The following ZFPM2 variants were observed in gnomAD, a reference collection of about 807,000 sequenced individuals.
The protein encoded by ZFPM2 is zinc finger protein ZFPM2.
Under a neutral mutation model 98.6 loss-of-function variants are expected in ZFPM2, and 20 were observed. That is an observed-to-expected ratio of 0.20 (90% CI 0.14 to 0.29). ZFPM2 has a LOEUF of 0.29. Ranked by LOEUF, ZFPM2 falls within the 10% of genes least tolerant of loss-of-function variation. The pLI is 1.00. For synonymous variants in ZFPM2, 518 were observed against 502.7 expected, an observed-to-expected ratio of 1.03 and a Z score of -0.41; for missense variants, 1,310 against 1,388.6, an observed-to-expected ratio of 0.94 and a Z score of 0.90.
chr8:105,436,272 C>T (rs1586370351), intron 2 of ZFPM2, among the ~76,000 whole-genome samples: 1 of 152,096 alleles, frequency 6.6e-6, no homozygotes, highest in Non-Finnish European at 1.5e-5. Context: ...GTAATCCCAG[C>T]ACTTTGGGAG....
intron 5 of ZFPM2, among the ~76,000 whole-genome samples, chr8:105,665,790 A>G (rs1817477395): frequency 6.6e-6 from 1 of 152,220 alleles, no homozygotes; most frequent in Non-Finnish European, 1.5e-5. Flanking sequence ...TAAAACAGAG[A>G]AAACAAAAAT....
In ZFPM2 at chr8:105,421,256, A is replaced by AC. The variant is rs1811786884; in HGVS notation, c.199+1955dup. Among the ~76,000 whole-genome samples, 3 of 152,100 alleles carry AC rather than the reference A, an allele frequency of 2.0e-5. No homozygotes were observed. In the South Asian group the frequency reaches 6.2e-4, roughly 32 times the overall value. ...GATATTATTATTAATTTTTTTATAA[A>AC]CAGTTGGAAAAATGTTTAATGTCAG... On this transcript the variant is annotated intron_variant, in intron 2 of 7. Transcript: ENST00000407775.
At chr8:105,721,056 C>T (rs977676032) in intron 5 of ZFPM2, among the ~76,000 whole-genome samples, 1 of 151,908 alleles carries the variant, frequency 6.6e-6, no homozygotes, top group African/African-American at 2.4e-5. Flanking sequence ...AGGCAAAACC[C>T]TGAACGTCTT....
chr8:105,517,208 A>G (rs1400701403), intron 3 of ZFPM2, among the ~76,000 whole-genome samples: 1 of 152,200 alleles, frequency 6.6e-6, no homozygotes, highest in Non-Finnish European at 1.5e-5. Flanking sequence ...TGTCAAGGAT[A>G]ACAGTGGTCG....
chr8:105,803,520 A>G lies in ZFPM2; in HGVS notation c.3438A>G (p.Ala1146=), dbSNP rs369522665. 170 of 1,609,182 alleles carry G rather than the reference A, an allele frequency of 1.1e-4. No homozygotes were observed. The highest frequency in any genetic ancestry group is 1.4e-4 in the Non-Finnish European group (163 of 1,177,484). Residue 1146 remains alanine, a synonymous_variant, in exon 8 of 8, where the codon GCA becomes GCG. Coordinates refer to ENST00000407775, the MANE Select transcript of ZFPM2 (RefSeq NM_012082.4). ...THKKFYCSSH[A]AEHVK ...AGAAGTTTTATTGCTCATCACATGC[A>G]GCAGAACATGTCAAATGAACTAACT...
At position 105,682,219 on chromosome 8, in the gene ZFPM2, C is replaced by A. The variant is rs77362000; in HGVS notation, c.532+47862C>A. ...AGGAAACACAAAGCCAGGAAGGGAA[C>A]CAATTGGTGGAGGCACAAGTCACAA... On this transcript the variant is annotated intron_variant, in intron 5 of 7. Coordinates refer to ENST00000407775, the MANE Select transcript of ZFPM2 (RefSeq NM_012082.4). Among the ~76,000 whole-genome samples, 362 of 152,210 alleles carry A rather than the reference C, an allele frequency of 2.4e-3. 8 individuals are homozygous for A. In the East Asian group the frequency reaches 0.038, roughly 16 times the overall value.
chr8:105,562,752 C>G (rs1293082417), intron 4 of ZFPM2, among the ~76,000 whole-genome samples: 1 of 152,162 alleles, frequency 6.6e-6, no homozygotes, highest in African/African-American at 2.4e-5. Context: ...TACACTGTGT[C>G]TGCCTGGGTC....
chr8:105,438,188 T>A (rs930910363), intron 2 of ZFPM2, among the ~76,000 whole-genome samples: 3 of 152,234 alleles, frequency 2.0e-5, no homozygotes, highest in African/African-American at 7.2e-5. Context: ...TTCTGTGGCA[T>A]CAAGTCTGGG....
chr8:105,800,298 A>G (rs539067676), intron 7 of ZFPM2, among the ~76,000 whole-genome samples: 2 of 152,262 alleles, frequency 1.3e-5, no homozygotes, highest in African/African-American at 2.4e-5. Context: ...GCTAGAGTCA[A>G]TCTTAGTGAT....
intron 3 of ZFPM2, among the ~76,000 whole-genome samples, chr8:105,519,917 C>G (rs1436404028): frequency 6.6e-6 from 1 of 151,858 alleles, no homozygotes; most frequent in African/African-American, 2.4e-5. Flanking sequence ...TTTATTCCAC[C>G]TTCATTATGA....
intron 1 of ZFPM2, among the ~76,000 whole-genome samples, chr8:105,320,614 A>G (rs1223448532): frequency 6.6e-6 from 1 of 152,224 alleles, no homozygotes; most frequent in Non-Finnish European, 1.5e-5. Flanking sequence ...AATGCTTTTT[A>G]GTTCATGGCT....
chr8:105,416,821 G>A (rs1362265808), intron 1 of ZFPM2, among the ~76,000 whole-genome samples: 1 of 152,036 alleles, frequency 6.6e-6, no homozygotes, highest in Non-Finnish European at 1.5e-5. Flanking sequence ...AATTTGCGAA[G>A]AGCAGCAAGA....
intron 5 of ZFPM2, chr8:105,684,983 T>G (rs1030745730): frequency 6.6e-5 from 10 of 152,116 alleles, no homozygotes; most frequent in African/African-American, 2.4e-4. Flanking sequence ...ACACTGTTGA[T>G]TATAAAATAT....
chr8:105,468,496 G>A (rs576365840), intron 3 of ZFPM2, among the ~76,000 whole-genome samples: 1 of 152,078 alleles, frequency 6.6e-6, no homozygotes, highest in East Asian at 1.9e-4. Context: ...AGGACTCTAC[G>A]CAGCTCCTGG....
At position 105,793,830 on chromosome 8, in the gene ZFPM2, T is replaced by C. The variant is rs535713570; in HGVS notation, c.740-4894T>C. Among the ~76,000 whole-genome samples the C allele has an allele frequency of 4.7e-5, 7 of 148,640 alleles. 1 individual carries two copies. Among genetic ancestry groups the C allele is most frequent in the African/African-American group, 1.8e-4 (7 of 38,176 alleles). Reference sequence around the variant, plus strand: ...AAACTTCCCTTCTCGCTTCATTTCATCTTCCATCGCTGATACCCTTTCTTC... The same window carrying C: ...AAACTTCCCTTCTCGCTTCATTTCACCTTCCATCGCTGATACCCTTTCTTC... On this transcript the variant is annotated intron_variant, in intron 6 of 7. Coordinates refer to ENST00000407775, the MANE Select transcript of ZFPM2 (RefSeq NM_012082.4).
chr8:105,749,782 AAG>A (rs903822027), intron 5 of ZFPM2, among the ~76,000 whole-genome samples: 1 of 152,016 alleles, frequency 6.6e-6, no homozygotes, highest in Non-Finnish European at 1.5e-5. Flanking sequence ...GAGGATAAGA[AAG>A]AGGAAAGAAG....
chr8:105,327,246 T>C (rs1812131978), intron 1 of ZFPM2, among the ~76,000 whole-genome samples: 1 of 151,696 alleles, frequency 6.6e-6, no homozygotes, highest in Non-Finnish European at 1.5e-5. Context: ...TAATAATCTC[T>C]AAAATTCTTT....
At chr8:105,335,751 G>C (rs1280735727) in intron 1 of ZFPM2, among the ~76,000 whole-genome samples, 1 of 151,750 alleles carries the variant, frequency 6.6e-6, no homozygotes, top group East Asian at 1.9e-4. Context: ...GATCAAGTTA[G>C]AACTACCTCT....
At chr8:105,343,594 G>C (rs1349614247) in intron 1 of ZFPM2, among the ~76,000 whole-genome samples, 2 of 152,120 alleles carry the variant, frequency 1.3e-5, no homozygotes, top group African/African-American at 4.8e-5. Context: ...GCACTTTTGA[G>C]CTCAGCATCA....
Sources: allele counts gnomAD v4.1 joint callset (sites outside exome capture counted in the v4.1 genomes callset), GRCh38; gene constraint gnomAD v4.1.1; transcripts MANE v1.5; gene names NCBI Gene and HGNC (gene_info 2026-07-23, HGNC 2026-07-21).